FXYD6: variants seen among roughly 807,000 people sequenced by gnomAD.
The protein encoded by FXYD6 is FXYD domain-containing ion transport regulator 6.
A neutral mutation model predicts 16.7 loss-of-function variants in FXYD6; 7 were observed. The observed-to-expected ratio is 0.42, with a 90% CI of 0.24 to 0.79. The LOEUF (loss-of-function observed/expected upper bound fraction) is 0.79, where lower values mean the gene tolerates loss of function less well. FXYD6 is among the 30% of genes least tolerant of loss of function. The pLI, the probability that FXYD6 is intolerant of heterozygous loss-of-function variation, is 0.28. For missense variants in FXYD6, 111 were observed against 116.2 expected (o/e 0.95, Z 0.21); for synonymous variants, 49 against 43.0 (o/e 1.14, Z -0.54).
intron 1 of FXYD6, among the ~76,000 whole-genome samples, chr11:117,861,305 G>A (rs1446830944): frequency 6.6e-6 from 1 of 152,208 alleles, no homozygotes; most frequent in Non-Finnish European, 1.5e-5. Context: ...TCAGCATCCT[G>A]CCGGATGAAA....
chr11:117,855,232 A>G (rs2056697165), intron 1 of FXYD6, among the ~76,000 whole-genome samples: 1 of 152,234 alleles, frequency 6.6e-6, no homozygotes, highest in Non-Finnish European at 1.5e-5. Context: ...CAGTGTGAAA[A>G]GAAATACTGT....
rs189179635 is a variant in FXYD6 at position 117,855,474 on chromosome 11, C to T, written c.-5-12693G>A. ...GCCACAGAATGCCTTTGTCTCACTG[C>T]TGCACCCAGCTTGGCTTCCCTTCCA... On this transcript the variant is annotated intron_variant, in intron 1 of 7. Coordinates refer to ENST00000526014, the MANE Select transcript of FXYD6 (RefSeq NM_022003.4). 2.1e-3 allele frequency among the ~76,000 whole-genome samples: 316 copies of T among 152,316 alleles called. 2 individuals carry two copies. Among genetic ancestry groups the T allele is most frequent in the African/African-American group, 7.3e-3 (303 of 41,568 alleles).
At chr11:117,873,401 G>A (rs1011835977) in intron 1 of FXYD6, among the ~76,000 whole-genome samples, 4 of 152,310 alleles carry the variant, frequency 2.6e-5, no homozygotes, top group South Asian at 4.1e-4. Flanking sequence ...TCTAAAATCC[G>A]AAAGGCTTTC....
chr11:117,839,956 T>G, intron 6 of FXYD6, 126 bp from the exon 7 acceptor site: 1 of 1,242,494 alleles, frequency 8.0e-7, no homozygotes. Flanking sequence ...GGATTTCGAG[T>G]CAGAACGATC....
intron 1 of FXYD6, among the ~76,000 whole-genome samples, chr11:117,863,649 T>A (rs1485753213): frequency 6.6e-6 from 1 of 152,144 alleles, no homozygotes; most frequent in Non-Finnish European, 1.5e-5. Context: ...GTAAAAGGCA[T>A]CCAAATTGGA....
At chr11:117,847,775 T>G (rs978560498) in intron 1 of FXYD6, among the ~76,000 whole-genome samples, 2 of 152,188 alleles carry the variant, frequency 1.3e-5, no homozygotes, top group African/African-American at 4.8e-5. Flanking sequence ...TGTTGGATAT[T>G]TGGGTTGGTT....
chr11:117,841,111 T>C, intron 5 of FXYD6, 37 bp downstream of exon 5: 1 of 1,613,726 alleles, frequency 6.2e-7, no homozygotes. Context: ...TCCCACCTAG[T>C]ATCACCCCCC....
At chr11:117,852,382 C>T (rs1217596667) in intron 1 of FXYD6, among the ~76,000 whole-genome samples, 2 of 152,228 alleles carry the variant, frequency 1.3e-5, no homozygotes, top group African/African-American at 4.8e-5. Context: ...ACAATCCTAA[C>T]CTTGAAAGGT....
At chr11:117,845,372 C>T (rs1437524590) in intron 1 of FXYD6, among the ~76,000 whole-genome samples, 2 of 152,130 alleles carry the variant, frequency 1.3e-5, no homozygotes, top group Non-Finnish European at 2.9e-5. Context: ...GGATATTCAC[C>T]TTGCTCTTTG....
chr11:117,864,427 A>G (rs2056971223), intron 1 of FXYD6, among the ~76,000 whole-genome samples: 1 of 152,206 alleles, frequency 6.6e-6, no homozygotes, highest in Non-Finnish European at 1.5e-5. Context: ...TTAACACCAC[A>G]CACAAAATTT....
chr11:117,869,478 G>A (rs2057087539), intron 1 of FXYD6, among the ~76,000 whole-genome samples: 1 of 152,228 alleles, frequency 6.6e-6, no homozygotes, highest in African/African-American at 2.4e-5. Flanking sequence ...CGAGGGTGCT[G>A]GAGGCTGAGT....
chr11:117,873,528 G>T (rs2057185096), intron 1 of FXYD6, among the ~76,000 whole-genome samples: 1 of 152,238 alleles, frequency 6.6e-6, no homozygotes, highest in South Asian at 2.1e-4. Context: ...AGCTCAGGGG[G>T]AGAGCTGGGG....
At chr11:117,847,574 T>C (rs1212235943) in intron 1 of FXYD6, among the ~76,000 whole-genome samples, 4 of 144,194 alleles carry the variant, frequency 2.8e-5, no homozygotes, top group Admixed American at 2.2e-4. Flanking sequence ...CCATGTGTTC[T>C]CATTGTTCAA....
intron 1 of FXYD6, among the ~76,000 whole-genome samples, chr11:117,873,989 T>C (rs938354858): frequency 1.3e-5 from 2 of 152,092 alleles, no homozygotes; most frequent in Non-Finnish European, 2.9e-5. Flanking sequence ...TGATGGTGAC[T>C]GAGAAAAGAA....
At chr11:117,875,247 T>G (rs1168755938) in intron 1 of FXYD6, among the ~76,000 whole-genome samples, 1 of 151,964 alleles carries the variant, frequency 6.6e-6, no homozygotes, top group Non-Finnish European at 1.5e-5. Context: ...GGTGTGAGTG[T>G]GAGGGTGTGT....
intron 3 of FXYD6, 26 bp from the exon 4 acceptor site, chr11:117,841,891 A>G (rs2056354290): frequency 6.2e-7 from 1 of 1,613,932 alleles, no homozygotes; most frequent in Non-Finnish European, 8.5e-7. Flanking sequence ...AGGGTGAGAG[A>G]GGAAGGGGCC....
chr11:117,843,079 G>A lies in FXYD6; in HGVS notation c.-5-298C>T, dbSNP rs868671032. ...CTCCTGAGTAGCTGGCATTAGAGGC[G>A]TGTGCCATCATGCCCGGCTAATTTT... On this transcript the variant is annotated intron_variant, in intron 1 of 7. Transcript: ENST00000526014. 1.6e-4 allele frequency among the ~76,000 whole-genome samples: 24 copies of A among 152,258 alleles called. No homozygotes were observed. In the South Asian group the frequency reaches 3.1e-3, roughly 20 times the overall value.
In FXYD6 at chr11:117,838,051, AC is replaced by A; in HGVS notation, c.*247del. 1.5e-6 allele frequency: 1 copy of A among 650,962 alleles called. No homozygotes were observed. The highest frequency in any genetic ancestry group is 2.8e-6 in the Non-Finnish European group (1 of 358,318). 40.3% of individuals were successfully genotyped at this position (650,962 alleles called of 1,614,324 possible). A position where few individuals can be genotyped will look rare whatever the true frequency, so the allele number is the denominator to read the frequency against. The stretch of plus-strand genomic sequence containing the variant: ...AGCAAACACACACAGTCACACACAC[AC>A]ACACACACACACACATCACGGGAGG... On this transcript the variant is annotated 3_prime_UTR_variant, in exon 8 of 8. Transcript: ENST00000526014.
At chr11:117,861,974 C>A (rs1002703828) in intron 1 of FXYD6, among the ~76,000 whole-genome samples, 18 of 152,354 alleles carry the variant, frequency 1.2e-4, no homozygotes, top group Admixed American at 2.0e-4. Context: ...GCAAGGGACA[C>A]ATCTTCCCAG....
Sources: gnomAD v4.1 joint callset for allele counts (sites outside exome capture counted in the v4.1 genomes callset) on GRCh38, gnomAD v4.1.1 for gene constraint, MANE v1.5 for transcripts, NCBI Gene and HGNC (gene_info 2026-07-23, HGNC 2026-07-21) for gene names.